EXTL3: variants seen among roughly 807,000 people sequenced by gnomAD.
EXTL3 encodes exostosin-like 3.
Under a neutral mutation model 69.3 loss-of-function variants are expected in EXTL3, and 27 were observed. That is an observed-to-expected ratio of 0.39 (90% CI 0.29 to 0.54). EXTL3 has a LOEUF of 0.54. Ranked by LOEUF, EXTL3 falls within the 20% of genes least tolerant of loss-of-function variation. The pLI, the probability that EXTL3 is intolerant of heterozygous loss-of-function variation, is 0.69. For synonymous variants in EXTL3, 511 were observed against 499.4 expected (o/e 1.02, Z -0.31); for missense variants, 1,003 against 1,231.8 (o/e 0.81, Z 2.78).
At chr8:28,711,482 T>A (rs1376280267) in intron 1 of EXTL3, among the ~76,000 whole-genome samples, 1 of 152,162 alleles carries the variant, frequency 6.6e-6, no homozygotes, top group African/African-American at 2.4e-5. Flanking sequence ...ATCTATAATA[T>A]CTTACTTAAT....
At chr8:28,616,740 T>C (rs1806337146) in intron 2 of EXTL3, among the ~76,000 whole-genome samples, 1 of 152,110 alleles carries the variant, frequency 6.6e-6, no homozygotes, top group South Asian at 2.1e-4. Flanking sequence ...AGGTGTGCGC[T>C]GAGTATAGAT....
chr8:28,709,424 T>C (rs1800987697), intron 1 of EXTL3, among the ~76,000 whole-genome samples: 1 of 152,182 alleles, frequency 6.6e-6, no homozygotes, highest in Admixed American at 6.5e-5. Context: ...TCTCACTCTG[T>C]TCTCCCTTCA....
upstream of EXTL3, chr8:28,697,114 T>C (rs1447054740): frequency 1.3e-5 from 2 of 152,226 alleles, no homozygotes; most frequent in Non-Finnish European, 2.9e-5. Flanking sequence ...GTAACTTTCA[T>C]GGTGTGAGGG....
intron 1 of EXTL3, among the ~76,000 whole-genome samples, chr8:28,691,994 C>A (rs1382872222): frequency 6.6e-6 from 1 of 152,156 alleles, no homozygotes; most frequent in Non-Finnish European, 1.5e-5. Context: ...GAAAGTAAGA[C>A]AAGGCTCAGC....
chr8:28,746,730 C>T (rs950602807), intron 6 of EXTL3, among the ~76,000 whole-genome samples: 2 of 152,134 alleles, frequency 1.3e-5, no homozygotes, highest in African/African-American at 4.8e-5. Flanking sequence ...GGCTGGAGTG[C>T]AGTGGTGCAA....
intron 3 of EXTL3, among the ~76,000 whole-genome samples, chr8:28,721,312 C>G (rs1448562834): frequency 6.6e-6 from 1 of 152,228 alleles, no homozygotes; most frequent in Non-Finnish European, 1.5e-5. Context: ...GGGCCAGAGA[C>G]AGAGCAGTTT....
chr8:28,669,192 A>G (rs1807246707), intron 1 of EXTL3, among the ~76,000 whole-genome samples: 1 of 152,112 alleles, frequency 6.6e-6, no homozygotes, highest in African/African-American at 2.4e-5. Context: ...GAGGCCCTTT[A>G]TGGTACCTCT....
chr8:28,729,153 G>C (rs1369993322), intron 3 of EXTL3, among the ~76,000 whole-genome samples: 1 of 151,756 alleles, frequency 6.6e-6, no homozygotes, highest in Admixed American at 6.6e-5. Context: ...AAATTAGCTG[G>C]GCATGGTGGT....
rs1802007166 is a variant in EXTL3, at chr8:28,751,651, G to A, written c.*785G>A. 1 of 150,854 alleles carries A rather than the reference G, an allele frequency of 6.6e-6. No homozygotes were observed. The highest frequency in any genetic ancestry group is 1.5e-5 in the Non-Finnish European group (1 of 68,064). The allele number at this position is 150,854 out of a possible 1,614,324, so 9.3% of individuals were successfully genotyped here. A position where few individuals can be genotyped will look rare whatever the true frequency, so the allele number is the denominator to read the frequency against. ...GAGGATTTATCTTTAGGCCAGGCTT[G>A]CCTCCGTACTTATCCCTGCTCTCCC... On this transcript the variant is annotated 3_prime_UTR_variant, in exon 7 of 7. Coordinates refer to ENST00000220562, the MANE Select transcript of EXTL3 (RefSeq NM_001440.4).
upstream of EXTL3, among the ~76,000 whole-genome samples, chr8:28,698,710 T>C (rs749893277): frequency 4.5e-4 from 68 of 150,510 alleles, no homozygotes; most frequent in Non-Finnish European, 7.7e-4. Context: ...AAACAAAAAT[T>C]AGGCCGGGCG....
At chr8:28,638,675 A>G (rs1806693212) in intron 1 of EXTL3, among the ~76,000 whole-genome samples, 1 of 152,204 alleles carries the variant, frequency 6.6e-6, no homozygotes, top group South Asian at 2.1e-4. Flanking sequence ...CTTATCACCC[A>G]GGCTAGAGTG....
At chr8:28,619,933 C>T (rs181906431), upstream of EXTL3, among the ~76,000 whole-genome samples, 312 of 119,998 alleles carry the variant, frequency 2.6e-3, 3 homozygotes, top group Admixed American at 0.033. Context: ...TACAGTGGCG[C>T]GATCTTGGCT....
intron 1 of EXTL3, among the ~76,000 whole-genome samples, chr8:28,651,516 G>C (rs1010731460): frequency 6.6e-6 from 1 of 152,026 alleles, no homozygotes; most frequent in Admixed American, 6.6e-5. Flanking sequence ...GTAGAGACAT[G>C]CTCTCCTTAT....
chr8:28,662,275 T>C (rs1807128850), intron 1 of EXTL3, among the ~76,000 whole-genome samples: 1 of 152,134 alleles, frequency 6.6e-6, no homozygotes, highest in African/African-American at 2.4e-5. Context: ...TTTCCTCACA[T>C]ATATTTTTAT....
intron 6 of EXTL3, among the ~76,000 whole-genome samples, chr8:28,747,242 C>T (rs915330636): frequency 3.3e-5 from 5 of 152,148 alleles, no homozygotes; most frequent in African/African-American, 7.2e-5. Context: ...CAGTGGGAAC[C>T]GTGGAAGAGC....
intron 1 of EXTL3, among the ~76,000 whole-genome samples, chr8:28,678,492 A>AC (rs1302319651): frequency 6.6e-6 from 1 of 151,568 alleles, no homozygotes; most frequent in Non-Finnish European, 1.5e-5. Flanking sequence ...AGAGCCTGGC[A>AC]CCCCTCTCCC....
At chr8:28,730,891 C>T (rs538414755) in intron 3 of EXTL3, among the ~76,000 whole-genome samples, 29 of 152,274 alleles carry the variant, frequency 1.9e-4, no homozygotes, top group African/African-American at 6.7e-4. Context: ...AATCTCAGAT[C>T]CACTCTGCCA....
At chr8:28,713,976 G>A (rs1334602622) in intron 2 of EXTL3, among the ~76,000 whole-genome samples, 1 of 141,502 alleles carries the variant, frequency 7.1e-6, no homozygotes, top group Non-Finnish European at 1.5e-5. Context: ...GTGCGATCTC[G>A]GCTCACTGCA....
At chr8:28,712,018 G>C (rs1280600693) in intron 1 of EXTL3, among the ~76,000 whole-genome samples, 1 of 152,206 alleles carries the variant, frequency 6.6e-6, no homozygotes, top group Non-Finnish European at 1.5e-5. Context: ...CGAGGATTAG[G>C]CTTTGGTGGG....
Sources: gnomAD v4.1 joint callset for allele counts (sites outside exome capture counted in the v4.1 genomes callset) on GRCh38, gnomAD v4.1.1 for gene constraint, MANE v1.5 for transcripts, NCBI Gene and HGNC (gene_info 2026-07-23, HGNC 2026-07-21) for gene names.